The following KCNJ6 variants were observed in gnomAD, a reference collection of about 807,000 sequenced individuals.
KCNJ6 encodes the protein potassium inwardly rectifying channel subfamily J member 6.
A neutral mutation model predicts 34.2 loss-of-function variants in KCNJ6; 9 were observed. The ratio of observed to expected loss-of-function variants is 0.26; its 90% confidence interval spans 0.16 to 0.46. KCNJ6 has a LOEUF of 0.46. Ranked by LOEUF, KCNJ6 falls within the 20% of genes least tolerant of loss-of-function variation. The pLI is 1.00. For missense variants in KCNJ6, 236 were observed against 531.3 expected (o/e 0.44, Z 5.46); for synonymous variants, 196 against 207.1 (o/e 0.95, Z 0.46).
At position 37,608,699 on chromosome 21, in the gene KCNJ6, C is replaced by T. The variant is rs1274993342; in HGVS notation, c.*16460G>A. ...TCACAGGGTTTTGTGTGGTTCGATG[C>T]ACTTAGCGCAGTGTTGTTGCATGGT... On this transcript the variant is annotated 3_prime_UTR_variant, in exon 4 of 4. Coordinates refer to ENST00000609713, the MANE Select transcript of KCNJ6 (RefSeq NM_002240.5). 9.2e-5 allele frequency: 14 copies of T among 152,178 alleles called. No individual in the cohort carries two copies. Among genetic ancestry groups the T allele is most frequent in the Non-Finnish European group, 1.6e-4 (11 of 68,036 alleles). 9.4% of individuals were successfully genotyped at this position (152,178 alleles called of 1,614,324 possible).
chr21:37,854,460 T>C (rs531208543), intron 1 of KCNJ6, among the ~76,000 whole-genome samples: 1 of 152,156 alleles, frequency 6.6e-6, no homozygotes, highest in South Asian at 2.1e-4. Context: ...TCTAATGGAG[T>C]AATGAGTAGA....
At chr21:37,689,315 C>T (rs1264252953) in intron 3 of KCNJ6, among the ~76,000 whole-genome samples, 1 of 82,452 alleles carries the variant, frequency 1.2e-5, no homozygotes, top group South Asian at 5.5e-4. Context: ...TCCATACATA[C>T]TAAAAAGTCT....
intron 3 of KCNJ6, among the ~76,000 whole-genome samples, chr21:37,669,326 G>A (rs9982323): frequency 0.48 from 73,010 of 151,972 alleles, 18,365 homozygotes; most frequent in African/African-American, 0.64. Context: ...CCGTAACCCA[G>A]TCACCTTGGG....
chr21:37,775,538 C>G (rs568653442), intron 2 of KCNJ6, among the ~76,000 whole-genome samples: 13 of 152,056 alleles, frequency 8.5e-5, no homozygotes, highest in African/African-American at 3.1e-4. Context: ...TAAGGTGTAA[C>G]GAAGGGATCT....
intron 1 of KCNJ6, among the ~76,000 whole-genome samples, chr21:37,867,441 G>C (rs1258687901): frequency 6.6e-6 from 1 of 152,172 alleles, no homozygotes. Context: ...ATTTTTAAAA[G>C]TTAGGGCAAA....
In KCNJ6 at chr21:37,625,215, C is replaced by G. The variant is rs1331857676; in HGVS notation, c.1216G>C (p.Glu406Gln). Residue 406 changes from glutamate to glutamine, a missense_variant, in exon 4 of 4, where the codon GAG becomes CAG. By Grantham distance (29) the Glu-to-Gln change is conservative. This residue lies in a region of KCNJ6 where 43 missense variants were observed against 52.1 expected (regional missense o/e 0.82). Transcript: ENST00000609713. Reference sequence around the variant, plus strand: ...ACATCACCATTTCTTTCTGTTTGCTCTTCGAGGTTCTTTTCTTCCTCTTCA... The same window carrying G: ...ACATCACCATTTCTTTCTGTTTGCTGTTCGAGGTTCTTTTCTTCCTCTTCA... ...ETEEEEKNLEEQTERNGDVAN... is the reference protein window; with the variant it reads ...ETEEEEKNLEQQTERNGDVAN... The G allele has an allele frequency of 5.6e-6, 9 of 1,614,124 alleles. No individual in the cohort carries two copies. Among genetic ancestry groups the G allele is most frequent in the Admixed American group, 1.7e-5 (1 of 60,008 alleles).
At position 37,714,997 on chromosome 21, in the gene KCNJ6, G is replaced by A. The variant is rs1266253310; in HGVS notation, c.160C>T (p.Gln54Ter). The part of the protein sequence containing the change: ...ISRDRTKRKI[Q>*]RYVRKDGKCN... ...TTTCCGTCTTTCCTCACGTACCTCT[G>A]GATTTTCCTTTTGGTCCGATCTCGG... Residue 54 changes from glutamine to a stop codon, truncating the protein, a stop_gained, in exon 3 of 4, where the codon CAG becomes TAG. Transcript: ENST00000609713. LOFTEE classifies it high-confidence loss of function. The surrounding 1 kb of genome is among the most constrained non-coding windows in gnomAD (Gnocchi z 5.9). 6.2e-7 allele frequency: 1 copy of A among 1,614,216 alleles called. No individual in the cohort carries two copies. The highest frequency in any genetic ancestry group is 8.5e-7 in the Non-Finnish European group (1 of 1,180,040).
rs201127739 is a variant in KCNJ6, at chr21:37,607,483, T to TATATATA, written c.*17675_*17676insTATATAT. ...TTAAAGATATATATATATATATATA[T>TATATATA]TTTTTTTTTATTTTAAAAAAATTTG... is the stretch of plus-strand genomic sequence containing the variant. On this transcript the variant is annotated 3_prime_UTR_variant, in exon 4 of 4. Coordinates refer to ENST00000609713, the MANE Select transcript of KCNJ6 (RefSeq NM_002240.5). The TATATATA allele has an allele frequency of 1.8e-3, 164 of 92,116 alleles. 2 individuals carry two copies. The highest frequency in any genetic ancestry group is 0.018 in the Middle Eastern group (3 of 170). The allele number at this position is 92,116 out of a possible 1,614,324, so 5.7% of individuals were successfully genotyped here.
At chr21:37,691,480 C>G (rs904158862) in intron 3 of KCNJ6, among the ~76,000 whole-genome samples, 1 of 152,142 alleles carries the variant, frequency 6.6e-6, no homozygotes, top group Non-Finnish European at 1.5e-5. Context: ...TCTGGCAGCT[C>G]TTGTTGGAAG....
At chr21:37,832,786 G>A (rs562957023) in intron 2 of KCNJ6, among the ~76,000 whole-genome samples, 92 of 152,214 alleles carry the variant, frequency 6.0e-4, no homozygotes, top group African/African-American at 2.1e-3. Flanking sequence ...CCTGGAGGTC[G>A]GTGGGAAGAG....
intron 1 of KCNJ6, among the ~76,000 whole-genome samples, chr21:37,888,238 T>C (rs934600001): frequency 1.3e-5 from 2 of 152,212 alleles, no homozygotes; most frequent in Non-Finnish European, 2.9e-5. Context: ...CCTCAGACAC[T>C]TTCCTCTCTC....
chr21:37,661,563 T>C (rs1176508852), intron 3 of KCNJ6, among the ~76,000 whole-genome samples: 2 of 145,348 alleles, frequency 1.4e-5, no homozygotes. Flanking sequence ...TATTAATCTA[T>C]AGCTACATGT....
intron 2 of KCNJ6, among the ~76,000 whole-genome samples, chr21:37,816,739 T>A (rs539529448): frequency 2.6e-5 from 4 of 152,236 alleles, no homozygotes; most frequent in Non-Finnish European, 4.4e-5. Flanking sequence ...ATGGTGGGGA[T>A]GCATGCAGGT....
At position 37,622,142 on chromosome 21, in the gene KCNJ6, C is replaced by G. The variant is rs545343405; in HGVS notation, c.*3017G>C. The G allele has an allele frequency of 6.6e-6, 1 of 152,120 alleles. No homozygotes were observed. Among genetic ancestry groups the G allele is most frequent in the African/African-American group, 2.4e-5 (1 of 41,416 alleles). 9.4% of individuals were successfully genotyped at this position (152,120 alleles called of 1,614,324 possible). A position where few individuals can be genotyped will look rare whatever the true frequency, so the allele number is the denominator to read the frequency against. On this transcript the variant is annotated 3_prime_UTR_variant, in exon 4 of 4. Coordinates refer to ENST00000609713, the MANE Select transcript of KCNJ6 (RefSeq NM_002240.5). ...AAATTCCAAATTCTTATCTGGCTCACGGATCCCACCATGCTTTATGGAAAA... is the reference window on the plus strand; with the variant it reads ...AAATTCCAAATTCTTATCTGGCTCAGGGATCCCACCATGCTTTATGGAAAA...
chr21:37,890,823 G>C (rs575729508), intron 1 of KCNJ6, among the ~76,000 whole-genome samples: 2 of 152,106 alleles, frequency 1.3e-5, no homozygotes, highest in African/African-American at 4.8e-5. Context: ...CGCCTCCCCC[G>C]CATCCAAGCA....
At chr21:37,674,217 C>T (rs1006674920) in intron 3 of KCNJ6, among the ~76,000 whole-genome samples, 1 of 152,212 alleles carries the variant, frequency 6.6e-6, no homozygotes, top group African/African-American at 2.4e-5. Flanking sequence ...CAGTTACTGG[C>T]TGCTATCTGC....
rs1315163778 is a variant in KCNJ6 at position 37,611,735 on chromosome 21, T to A, written c.*13424A>T. The A allele has an allele frequency of 6.6e-6, 1 of 151,790 alleles. No individual in the cohort carries two copies. Among genetic ancestry groups the A allele is most frequent in the East Asian group, 1.9e-4 (1 of 5,172 alleles). 9.4% of individuals were successfully genotyped at this position (151,790 alleles called of 1,614,324 possible). The stretch of plus-strand genomic sequence containing the variant: ...ATATCAACAGGCAAAAGAAGAAAAA[T>A]TGCATGATCATATCAACAGATGCAG... On this transcript the variant is annotated 3_prime_UTR_variant, in exon 4 of 4. Coordinates refer to ENST00000609713, the MANE Select transcript of KCNJ6 (RefSeq NM_002240.5).
chr21:37,798,269 C>T (rs191742565), intron 2 of KCNJ6, among the ~76,000 whole-genome samples: 23 of 152,272 alleles, frequency 1.5e-4, no homozygotes, highest in African/African-American at 4.3e-4. Flanking sequence ...TGGGGCACAG[C>T]GGAGCAAGCA....
At chr21:37,910,793 T>C (rs2055863525) in intron 1 of KCNJ6, among the ~76,000 whole-genome samples, 1 of 152,238 alleles carries the variant, frequency 6.6e-6, no homozygotes, top group Non-Finnish European at 1.5e-5. Context: ...AATTAGTCAC[T>C]TGGTTAAAAT....
Sources: gnomAD v4.1 joint callset for allele counts (sites outside exome capture counted in the v4.1 genomes callset) on GRCh38, gnomAD v4.1.1 for gene constraint, gnomAD v4.1.1 regional missense constraint, Gnocchi (gnomAD v3.1) non-coding constraint, MANE v1.5 for transcripts, NCBI Gene and HGNC (gene_info 2026-07-23, HGNC 2026-07-21) for gene names.